The following PTPRM variants were observed in gnomAD, a reference collection of about 807,000 sequenced individuals.
The protein encoded by PTPRM is receptor-type tyrosine-protein phosphatase mu.
A neutral mutation model predicts 186.7 loss-of-function variants in PTPRM; 47 were observed. The ratio of observed to expected loss-of-function variants is 0.25; its 90% CI spans 0.20 to 0.32. PTPRM has a LOEUF of 0.32. PTPRM is among the 10% of genes least tolerant of loss of function. The pLI is 1.00. For synonymous variants in PTPRM, 668 were observed against 674.9 expected (o/e 0.99, Z 0.16); for missense variants, 1,494 against 1,865.0 (o/e 0.80, Z 3.66).
At chr18:8,336,785 G>C (rs952119750) in intron 22 of PTPRM, among the ~76,000 whole-genome samples, 1 of 151,912 alleles carries the variant, frequency 6.6e-6, no homozygotes, top group Non-Finnish European at 1.5e-5. Flanking sequence ...CGAGACGTTG[G>C]TGAAACCCCA....
intron 1 of PTPRM, among the ~76,000 whole-genome samples, chr18:7,673,819 G>A (rs1374967432): frequency 2.0e-5 from 3 of 152,202 alleles, no homozygotes; most frequent in South Asian, 2.1e-4. Context: ...GCTGCTGAGC[G>A]GTCAAGGACA....
At chr18:8,183,807 A>T (rs1024280025) in intron 14 of PTPRM, among the ~76,000 whole-genome samples, 5 of 152,186 alleles carry the variant, frequency 3.3e-5, no homozygotes, top group Non-Finnish European at 7.3e-5. Flanking sequence ...TGGTGTTTAC[A>T]TCCTCAACCT....
intron 19 of PTPRM, among the ~76,000 whole-genome samples, chr18:8,274,025 G>A (rs1262532196): frequency 4.6e-5 from 7 of 152,126 alleles, no homozygotes. Flanking sequence ...CATTGTCACT[G>A]TACTCAAGAG....
intron 2 of PTPRM, among the ~76,000 whole-genome samples, chr18:7,790,500 T>A (rs2043288589): frequency 6.6e-6 from 1 of 152,190 alleles, no homozygotes; most frequent in Admixed American, 6.5e-5. Context: ...TGGCTCTGCA[T>A]ACCCACTGAC....
intron 14 of PTPRM, among the ~76,000 whole-genome samples, chr18:8,148,072 C>T (rs569468066): frequency 1.6e-4 from 24 of 152,238 alleles, no homozygotes; most frequent in African/African-American, 5.8e-4. Context: ...ATTTTCGCAT[C>T]GAAGTTCATC....
intron 1 of PTPRM, among the ~76,000 whole-genome samples, chr18:7,712,690 T>C (rs2040238440): frequency 6.6e-6 from 1 of 151,880 alleles, no homozygotes; most frequent in African/African-American, 2.4e-5. Flanking sequence ...CTGATGGAAC[T>C]GAAAAACACA....
chr18:7,945,881 T>A, intron 5 of PTPRM, among the ~76,000 whole-genome samples: 1 of 152,188 alleles, frequency 6.6e-6, no homozygotes, highest in Non-Finnish European at 1.5e-5. Context: ...CAGATTTGAG[T>A]AAGATGTGTG....
intron 7 of PTPRM, among the ~76,000 whole-genome samples, chr18:8,048,921 G>A (rs572476751): frequency 1.6e-3 from 242 of 152,218 alleles, no homozygotes; most frequent in African/African-American, 5.4e-3. Context: ...CTTTTGCCCT[G>A]GGTAAAATAT....
At chr18:8,170,495 TA>T (rs754885084) in intron 14 of PTPRM, among the ~76,000 whole-genome samples, 5,889 of 133,138 alleles carry the variant, frequency 0.044, 281 homozygotes, top group African/African-American at 0.13. Flanking sequence ...GCTCAAGGGT[TA>T]AAAAAAAAAA....
At chr18:7,591,102 C>CTTTCT (rs1172622655) in intron 1 of PTPRM, among the ~76,000 whole-genome samples, 2 of 152,154 alleles carry the variant, frequency 1.3e-5, no homozygotes, top group South Asian at 4.1e-4. Flanking sequence ...AACTTATCTC[C>CTTTCT]ATTTTTCTTT....
At chr18:7,788,993 A>G (rs191875802) in intron 2 of PTPRM, among the ~76,000 whole-genome samples, 1 of 152,176 alleles carries the variant, frequency 6.6e-6, no homozygotes, top group Admixed American at 6.5e-5. Flanking sequence ...TGAAGTATGT[A>G]CTGTGGAATA....
intron 14 of PTPRM, among the ~76,000 whole-genome samples, chr18:8,204,564 A>C (rs1202126320): frequency 1.3e-5 from 2 of 152,068 alleles, no homozygotes; most frequent in African/African-American, 4.8e-5. Context: ...TCCACCTTGA[A>C]GGGAGATGAC....
chr18:7,915,834 A>G (rs2050524881), intron 4 of PTPRM, among the ~76,000 whole-genome samples: 3 of 152,190 alleles, frequency 2.0e-5, no homozygotes, highest in African/African-American at 7.2e-5. Context: ...TGGTTGTAGG[A>G]TTTATAGCAC....
intron 5 of PTPRM, among the ~76,000 whole-genome samples, chr18:7,934,717 C>A (rs540095843): frequency 5.3e-5 from 8 of 152,104 alleles, no homozygotes; most frequent in Non-Finnish European, 1.2e-4. Context: ...TTTTATTATA[C>A]GTCCATTTAT....
intron 2 of PTPRM, among the ~76,000 whole-genome samples, chr18:7,777,602 G>T (rs1361301174): frequency 6.6e-6 from 1 of 152,074 alleles, no homozygotes; most frequent in Non-Finnish European, 1.5e-5. Context: ...TGGACCCATG[G>T]TTTATATTGT....
Position 8,238,649 on chromosome 18 carries a change from G to GTGTGTGTGTTTTTTTTT in PTPRM, c.2301-5406_2301-5405insGTGTGTTTTTTTTTTGT, listed in dbSNP as rs1568577854. The stretch of plus-strand genomic sequence containing the variant: ...GCTCTGTCTCTTCACACTGTTTTGT[G>GTGTGTGTGTTTTTTTTT]TGTTTTTTTTTTTTTTTTTTTTTTT... On this transcript the variant is annotated intron_variant, in intron 14 of 32. Coordinates refer to ENST00000580170, the MANE Select transcript of PTPRM (RefSeq NM_001105244.2). Among the ~76,000 whole-genome samples the GTGTGTGTGTTTTTTTTT allele has an allele frequency of 7.2e-4, 53 of 73,694 alleles. 3 individuals are homozygous for GTGTGTGTGTTTTTTTTT. Among genetic ancestry groups the GTGTGTGTGTTTTTTTTT allele is most frequent in the African/African-American group, 2.0e-3 (48 of 23,720 alleles). The allele number at this position is 73,694 out of a possible 152,430, so 48.3% of individuals were successfully genotyped here. A position where few individuals can be genotyped will look rare whatever the true frequency, so the allele number is the denominator to read the frequency against.
intron 6 of PTPRM, among the ~76,000 whole-genome samples, chr18:7,951,562 T>C (rs1425087070): frequency 6.6e-6 from 1 of 152,210 alleles, no homozygotes; most frequent in Non-Finnish European, 1.5e-5. Context: ...CACATTTTCC[T>C]GTCTTATGGC....
chr18:8,032,598 T>A (rs1221666494), intron 7 of PTPRM, among the ~76,000 whole-genome samples: 1 of 152,148 alleles, frequency 6.6e-6, no homozygotes, highest in African/African-American at 2.4e-5. Context: ...TTATGAAGAC[T>A]TGCAAAATAT....
intron 13 of PTPRM, among the ~76,000 whole-genome samples, chr18:8,125,028 C>T (rs2092294220): frequency 6.6e-6 from 1 of 151,958 alleles, no homozygotes; most frequent in Non-Finnish European, 1.5e-5. Context: ...CCCTACTTGT[C>T]TACCACCAAT....
Sources: allele counts gnomAD v4.1 joint callset (sites outside exome capture counted in the v4.1 genomes callset), GRCh38; gene constraint gnomAD v4.1.1; transcripts MANE v1.5; gene names NCBI Gene and HGNC (gene_info 2026-07-23, HGNC 2026-07-21).